The following KIAA1958 variants were observed in gnomAD, a reference collection of about 807,000 sequenced individuals.
KIAA1958 encodes KIAA1958.
Under a neutral mutation model 47.2 loss-of-function variants are expected in KIAA1958, and 14 were observed. That is an observed-to-expected ratio of 0.30 (90% CI 0.20 to 0.46). The LOEUF (loss-of-function observed/expected upper bound fraction) is 0.46, where lower values mean the gene tolerates loss of function less well. KIAA1958 is among the 20% of genes least tolerant of loss of function. The probability of loss-of-function intolerance (pLI) is 1.00; values close to 1 mark genes in which losing one functional copy is unlikely to be tolerated. For synonymous variants in KIAA1958, 354 were observed against 353.3 expected, an observed-to-expected ratio of 1.00 and a Z score of -0.02; for missense variants, 803 against 909.2, an observed-to-expected ratio of 0.88 and a Z score of 1.50.
chr9:112,561,907 C>T (rs1239822937), intron 1 of KIAA1958, among the ~76,000 whole-genome samples: 3 of 152,174 alleles, frequency 2.0e-5, no homozygotes, highest in African/African-American at 7.2e-5. Context: ...ATTGATGGTT[C>T]AGAGAGCTGC....
In KIAA1958 at chr9:112,618,280, C is replaced by T. The variant is rs1407927404; in HGVS notation, c.1172-27370C>T. ...AGCTCACCTTTGCTGACGAGCTCAT[C>T]CTGCGGAAAAGGGGACTGCTAAGCC... is the stretch of plus-strand genomic sequence containing the variant. On this transcript the variant is annotated intron_variant, in intron 2 of 3. Coordinates refer to ENST00000337530, the MANE Select transcript of KIAA1958 (RefSeq NM_133465.4). The surrounding 1 kb of genome is among the most constrained non-coding windows in gnomAD (Gnocchi z 7.1). 6.4e-7 allele frequency: 1 copy of T among 1,550,956 alleles called. No individual in the cohort carries two copies. Among genetic ancestry groups the T allele is most frequent in the Non-Finnish European group, 8.7e-7 (1 of 1,147,048 alleles).
At chr9:112,610,384 GA>G (rs569706886) in intron 2 of KIAA1958, among the ~76,000 whole-genome samples, 211 of 152,038 alleles carry the variant, frequency 1.4e-3, no homozygotes, top group African/African-American at 4.8e-3. Context: ...TAGAACCAAT[GA>G]AAAAATATCC....
At chr9:112,521,975 T>TTATTTATC (rs1834552754) in intron 1 of KIAA1958, among the ~76,000 whole-genome samples, 1 of 151,486 alleles carries the variant, frequency 6.6e-6, no homozygotes, top group African/African-American at 2.4e-5. Context: ...ATTTATTTAT[T>TTATTTATC]TATTTATTTA....
chr9:112,488,102 A>G (rs1252117487), intron 1 of KIAA1958, among the ~76,000 whole-genome samples: 3 of 152,174 alleles, frequency 2.0e-5, no homozygotes, highest in Non-Finnish European at 2.9e-5. Context: ...GGTGGAGGTT[A>G]AATTGGAGTG....
At chr9:112,584,947 C>T (rs1835799018) in intron 2 of KIAA1958, among the ~76,000 whole-genome samples, 1 of 152,348 alleles carries the variant, frequency 6.6e-6, no homozygotes, top group African/African-American at 2.4e-5. Flanking sequence ...CCTTCCTCTC[C>T]TTTTATGTCA....
At chr9:112,495,285 A>T (rs554317295) in intron 1 of KIAA1958, among the ~76,000 whole-genome samples, 8 of 152,116 alleles carry the variant, frequency 5.3e-5, no homozygotes, top group African/African-American at 1.9e-4. Flanking sequence ...GTGCTTTTTA[A>T]TTGTTCTCTC....
chr9:112,565,608 T>TA (rs1835414837), intron 1 of KIAA1958, among the ~76,000 whole-genome samples: 1 of 152,230 alleles, frequency 6.6e-6, no homozygotes, highest in Non-Finnish European at 1.5e-5. Flanking sequence ...TCTCAGAATT[T>TA]AAAAAATACC....
At chr9:112,498,359 T>G (rs753668510) in intron 1 of KIAA1958, among the ~76,000 whole-genome samples, 1 of 152,142 alleles carries the variant, frequency 6.6e-6, no homozygotes, top group East Asian at 1.9e-4. Context: ...CAAGCAGATA[T>G]GGAGAAATTT....
chr9:112,602,041 A>G (rs1416327305), intron 2 of KIAA1958, among the ~76,000 whole-genome samples: 3 of 152,242 alleles, frequency 2.0e-5, no homozygotes, highest in African/African-American at 4.8e-5. Context: ...TCAGGCTTCA[A>G]TTAGTAATGT....
rs1231309436 is a variant in KIAA1958, at chr9:112,523,137, T to C, written c.-25+36019T>C. Among the ~76,000 whole-genome samples, 4 of 152,210 alleles carry C rather than the reference T, an allele frequency of 2.6e-5. No individual in the cohort carries two copies. The East Asian group carries it at 7.7e-4, about 29-fold the overall frequency. Reference sequence around the variant, plus strand: ...TTTCTTGTTTGCACTTATGATTCCTTATTTGAGAAGTGGTATTACATTCAA... The same window carrying C: ...TTTCTTGTTTGCACTTATGATTCCTCATTTGAGAAGTGGTATTACATTCAA... On this transcript the variant is annotated intron_variant, in intron 1 of 3. Coordinates refer to ENST00000337530, the MANE Select transcript of KIAA1958 (RefSeq NM_133465.4).
intron 1 of KIAA1958, among the ~76,000 whole-genome samples, chr9:112,524,472 A>G (rs1024120412): frequency 6.6e-6 from 1 of 152,250 alleles, no homozygotes; most frequent in African/African-American, 2.4e-5. Context: ...TAAAATACAT[A>G]TAACATAAAA....
intron 1 of KIAA1958, among the ~76,000 whole-genome samples, chr9:112,542,874 C>CCA (rs1564165734): frequency 6.6e-6 from 1 of 152,160 alleles, no homozygotes; most frequent in Non-Finnish European, 1.5e-5. Context: ...GATTTAAGGA[C>CCA]CACAGGTGCT....
intron 2 of KIAA1958, among the ~76,000 whole-genome samples, chr9:112,591,644 G>A (rs1054673484): frequency 2.6e-5 from 4 of 151,818 alleles, no homozygotes; most frequent in Non-Finnish European, 4.4e-5. Context: ...TGTAATCCCA[G>A]CACTTTGGGA....
chr9:112,511,469 GA>G (rs1834324758), intron 1 of KIAA1958, among the ~76,000 whole-genome samples: 1 of 152,154 alleles, frequency 6.6e-6, no homozygotes, highest in African/African-American at 2.4e-5. Context: ...TGAGAGAAGT[GA>G]ATGTGTACAA....
chr9:112,586,088 A>C (rs756287241), intron 2 of KIAA1958, among the ~76,000 whole-genome samples: 1 of 152,252 alleles, frequency 6.6e-6, no homozygotes, highest in Non-Finnish European at 1.5e-5. Flanking sequence ...CAAAACTTTT[A>C]AATATTTCCA....
At chr9:112,658,762 A>T (rs924533574) in intron 3 of KIAA1958, among the ~76,000 whole-genome samples, 7 of 151,962 alleles carry the variant, frequency 4.6e-5, no homozygotes, top group Non-Finnish European at 7.4e-5. Context: ...GATCGAGACC[A>T]TCCTGGCTAA....
intron 2 of KIAA1958, among the ~76,000 whole-genome samples, chr9:112,625,227 C>T (rs904634252): frequency 6.6e-6 from 1 of 152,200 alleles, no homozygotes; most frequent in Non-Finnish European, 1.5e-5. Flanking sequence ...TGCAGTGGCA[C>T]TGCAGCCTTG....
In KIAA1958 at chr9:112,505,509, A is replaced by G. The variant is rs1344212742; in HGVS notation, c.-25+18391A>G. 1.2e-4 allele frequency among the ~76,000 whole-genome samples: 18 copies of G among 152,350 alleles called. 1 individual carries two copies. Among genetic ancestry groups the G allele is most frequent in the Admixed American group, 1.2e-3 (18 of 15,310 alleles). On this transcript the variant is annotated intron_variant, in intron 1 of 3. Coordinates refer to ENST00000337530, the MANE Select transcript of KIAA1958 (RefSeq NM_133465.4). ...ATTTGAACGCTAGATAGCAAAGAAAATTAAGCTTAACAAATCCTTGAATTG... is the reference window on the plus strand; with the variant it reads ...ATTTGAACGCTAGATAGCAAAGAAAGTTAAGCTTAACAAATCCTTGAATTG...
In KIAA1958 at chr9:112,525,940, T is replaced by C. The variant is rs200597224; in HGVS notation, c.-25+38822T>C. On this transcript the variant is annotated intron_variant, in intron 1 of 3. Transcript: ENST00000337530. ...TTCTTTCTTCTTCTTCTTCTTCTTC[T>C]TCTTCTTCTTCTTCTTCTTCTTCTT... 4.1e-4 allele frequency among the ~76,000 whole-genome samples: 4 copies of C among 9,834 alleles called. 1 individual carries two copies. The highest frequency in any genetic ancestry group is 0.038 in the Middle Eastern group (1 of 26). 6.5% of individuals were successfully genotyped at this position (9,834 alleles called of 152,430 possible). A position where few individuals can be genotyped will look rare whatever the true frequency, so the allele number is the denominator to read the frequency against.
Sources: gnomAD v4.1 joint callset for allele counts (sites outside exome capture counted in the v4.1 genomes callset) on GRCh38, gnomAD v4.1.1 for gene constraint, Gnocchi (gnomAD v3.1) non-coding constraint, MANE v1.5 for transcripts, NCBI Gene and HGNC (gene_info 2026-07-23, HGNC 2026-07-21) for gene names.